Variants in PRKAR2B observed in about 807,000 individuals in gnomAD.
PRKAR2B encodes protein kinase cAMP-dependent type II regulatory subunit beta.
PRKAR2B carries 14 observed loss-of-function variants against 49.9 expected under a neutral mutation model. The observed-to-expected ratio is 0.28, with a 90% CI of 0.19 to 0.44. PRKAR2B has a LOEUF of 0.44. PRKAR2B is among the 20% of genes least tolerant of loss of function. PRKAR2B has a pLI of 1.00. For synonymous variants in PRKAR2B, 196 were observed against 197.7 expected, an observed-to-expected ratio of 0.99 and a Z score of 0.07; for missense variants, 393 against 537.9, an observed-to-expected ratio of 0.73 and a Z score of 2.67.
At chr7:107,089,051 C>A (rs958528714) in intron 2 of PRKAR2B, among the ~76,000 whole-genome samples, 3 of 151,730 alleles carry the variant, frequency 2.0e-5, no homozygotes, top group Non-Finnish European at 4.4e-5. Context: ...TGCCTGTAAT[C>A]TCTGCTACTC....
At chr7:107,145,619 A>G (rs998190573) in intron 5 of PRKAR2B, among the ~76,000 whole-genome samples, 3 of 151,382 alleles carry the variant, frequency 2.0e-5, no homozygotes, top group East Asian at 1.9e-4. Context: ...GGATCTTGCT[A>G]TGTTGCCCAG....
At chr7:107,059,260 C>T (rs1052828304) in intron 1 of PRKAR2B, among the ~76,000 whole-genome samples, 6 of 150,892 alleles carry the variant, frequency 4.0e-5, no homozygotes, top group African/African-American at 1.5e-4. Flanking sequence ...CAGAGTAAGA[C>T]TCTGTCTCAA....
At position 107,044,951 on chromosome 7, in the gene PRKAR2B, G is replaced by T. The variant is rs1463777302; in HGVS notation, c.44G>T (p.Gly15Val). The change falls in exon 1 of 11, where the codon GGC becomes GTC. Residue 15 changes from glycine (G) to valine (V), a missense_variant. Physicochemically the swap from Gly to Val is moderately radical, Grantham distance 109. Around this residue, in one of 2 missense-constraint regions of PRKAR2B, gnomAD observed 160 missense variants for 147.6 expected, o/e 1.08. Coordinates refer to ENST00000265717, the MANE Select transcript of PRKAR2B (RefSeq NM_002736.3). Reference sequence around the variant, plus strand: ...GCGGGACTGACGGAGCTGCTGCAGGGCTTCACGGTGGAGGTGCTGAGGCAC... The same window carrying T: ...GCGGGACTGACGGAGCTGCTGCAGGTCTTCACGGTGGAGGTGCTGAGGCAC... ...IPAGLTELLQGFTVEVLRHQP... is the reference protein window; with the variant it reads ...IPAGLTELLQVFTVEVLRHQP... 8.8e-6 allele frequency: 14 copies of T among 1,597,620 alleles called. No individual in the cohort carries two copies. In the Admixed American group the frequency reaches 1.4e-4, roughly 16 times the overall value.
intron 1 of PRKAR2B, among the ~76,000 whole-genome samples, chr7:107,055,190 A>G (rs1430370401): frequency 6.6e-6 from 1 of 152,000 alleles, no homozygotes; most frequent in African/African-American, 2.4e-5. Flanking sequence ...TATGTGCCAC[A>G]TTTTCTTAAT....
chr7:107,058,171 T>C (rs933906304), intron 1 of PRKAR2B, among the ~76,000 whole-genome samples: 2 of 152,200 alleles, frequency 1.3e-5, no homozygotes, highest in Non-Finnish European at 2.9e-5. Context: ...GTGTACACAG[T>C]CTCCAAGTTT....
chr7:107,134,859 T>C (rs1411125697), intron 4 of PRKAR2B, among the ~76,000 whole-genome samples: 1 of 152,140 alleles, frequency 6.6e-6, no homozygotes, highest in Non-Finnish European at 1.5e-5. Flanking sequence ...GCCAAAGATA[T>C]AAGAGCTTAA....
intron 8 of PRKAR2B, among the ~76,000 whole-genome samples, chr7:107,156,104 AG>A (rs1466198352): frequency 6.6e-6 from 1 of 151,882 alleles, no homozygotes; most frequent in Non-Finnish European, 1.5e-5. Flanking sequence ...GGGGCCTGTC[AG>A]GGGGTGGGGA....
At chr7:107,090,954 C>CATTT (rs1305849917) in intron 2 of PRKAR2B, among the ~76,000 whole-genome samples, 1 of 152,186 alleles carries the variant, frequency 6.6e-6, no homozygotes, top group African/African-American at 2.4e-5. Context: ...TAATACTTTA[C>CATTT]ATTTACACCA....
At chr7:107,113,822 G>A (rs1483856279) in intron 2 of PRKAR2B, among the ~76,000 whole-genome samples, 1 of 152,130 alleles carries the variant, frequency 6.6e-6, no homozygotes, top group Non-Finnish European at 1.5e-5. Flanking sequence ...GGAACACTGG[G>A]AGCTAGAGGG....
At chr7:107,085,627 G>GT (rs1316027767) in intron 2 of PRKAR2B, among the ~76,000 whole-genome samples, 1 of 152,092 alleles carries the variant, frequency 6.6e-6, no homozygotes, top group Non-Finnish European at 1.5e-5. Flanking sequence ...TTCCTTGGGT[G>GT]TTTTTATGCA....
intron 1 of PRKAR2B, among the ~76,000 whole-genome samples, chr7:107,048,697 C>T (rs143320682): frequency 0.015 from 2,277 of 152,250 alleles, 34 homozygotes; most frequent in Non-Finnish European, 0.025. Flanking sequence ...CTGTAGGTGG[C>T]GCTAGAGCAA....
chr7:107,134,280 C>T (rs1170835158), intron 4 of PRKAR2B, among the ~76,000 whole-genome samples: 1 of 152,152 alleles, frequency 6.6e-6, no homozygotes, highest in Non-Finnish European at 1.5e-5. Flanking sequence ...CTGCCTGCCT[C>T]AGCCTCCCAA....
At chr7:107,154,310 A>C (rs1796041200) in intron 8 of PRKAR2B, among the ~76,000 whole-genome samples, 2 of 152,246 alleles carry the variant, frequency 1.3e-5, no homozygotes, top group East Asian at 3.8e-4. Context: ...GTTTTGCATC[A>C]CTGTTAATAA....
At chr7:107,071,663 T>C (rs750361275) in intron 2 of PRKAR2B, among the ~76,000 whole-genome samples, 13 of 152,174 alleles carry the variant, frequency 8.5e-5, no homozygotes, top group Non-Finnish European at 1.5e-5. Context: ...ATTCTTTCAA[T>C]AGAAACACAG....
intron 4 of PRKAR2B, among the ~76,000 whole-genome samples, chr7:107,130,277 A>G (rs1795580804): frequency 1.3e-5 from 2 of 152,086 alleles, no homozygotes; most frequent in South Asian, 4.1e-4. Context: ...AGGTGGGTGG[A>G]TCACGAGGTT....
rs892679569 is a variant in PRKAR2B, at chr7:107,088,744, C to T, written c.343+18428C>T. Among the ~76,000 whole-genome samples the T allele has an allele frequency of 2.0e-5, 3 of 152,142 alleles. No individual in the cohort carries two copies. In the South Asian group the frequency reaches 6.2e-4, roughly 32 times the overall value. ...CCTCTTGAGGAGTTGGGGCTACAGG[C>T]GTGTGTTACCACGCCCGGCTAATTT... is the stretch of plus-strand genomic sequence containing the variant. On this transcript the variant is annotated intron_variant, in intron 2 of 10. Transcript: ENST00000265717.
chr7:107,140,202 T>A (rs1795765979), intron 4 of PRKAR2B, among the ~76,000 whole-genome samples: 1 of 152,194 alleles, frequency 6.6e-6, no homozygotes, highest in African/African-American at 2.4e-5. Context: ...TTTTACATAG[T>A]TTAATTAGTT....
chr7:107,155,484 C>G (rs945482492), intron 8 of PRKAR2B, among the ~76,000 whole-genome samples: 4 of 152,194 alleles, frequency 2.6e-5, no homozygotes, highest in African/African-American at 9.7e-5. Flanking sequence ...TACATTCCCA[C>G]CAACAGTGCA....
Position 107,079,082 on chromosome 7 carries a change from A to G in PRKAR2B, c.343+8766A>G, listed in dbSNP as rs569212400. Among the ~76,000 whole-genome samples the G allele has an allele frequency of 5.9e-5, 9 of 152,320 alleles. No homozygotes were observed. In the East Asian group the frequency reaches 7.7e-4, roughly 13 times the overall value. On this transcript the variant is annotated intron_variant, in intron 2 of 10. Coordinates refer to ENST00000265717, the MANE Select transcript of PRKAR2B (RefSeq NM_002736.3). Reference sequence around the variant, plus strand: ...GGAAAGGGGTCGGGGAGTTAGATCTATAAGATAGTATAAAATAGGTATGAG... The same window carrying G: ...GGAAAGGGGTCGGGGAGTTAGATCTGTAAGATAGTATAAAATAGGTATGAG...
Sources: gnomAD v4.1 joint callset for allele counts (sites outside exome capture counted in the v4.1 genomes callset) on GRCh38, gnomAD v4.1.1 for gene constraint, gnomAD v4.1.1 regional missense constraint, MANE v1.5 for transcripts, NCBI Gene and HGNC (gene_info 2026-07-23, HGNC 2026-07-21) for gene names.